The following DCLK2 variants were observed in gnomAD, a reference collection of about 807,000 sequenced individuals.
DCLK2 encodes the protein doublecortin like kinase 2, also known as serine/threonine-protein kinase DCLK2.
Under a neutral mutation model 78.4 loss-of-function variants are expected in DCLK2, and 31 were observed. The observed-to-expected ratio is 0.40, with a 90% CI of 0.30 to 0.53. The LOEUF is 0.53. DCLK2 is among the 20% of genes least tolerant of loss of function. DCLK2 has a pLI of 0.61. For synonymous variants in DCLK2, 407 were observed against 374.9 expected (o/e 1.09, Z -0.99); for missense variants, 872 against 973.7 (o/e 0.90, Z 1.39).
intron 15 of DCLK2, chr4:150,253,624 TCA>T (rs1174468703): frequency 3.9e-6 from 5 of 1,281,140 alleles, no homozygotes; most frequent in African/African-American, 1.5e-5. Flanking sequence ...CATGCTTGTC[TCA>T]GTTTCTGATG....
chr4:150,154,104 T>A lies in DCLK2; in HGVS notation c.757-39034T>A, dbSNP rs142839732. 4.0e-3 allele frequency among the ~76,000 whole-genome samples: 612 copies of A among 152,320 alleles called. 4 individuals are homozygous for A. The highest frequency in any genetic ancestry group is 6.8e-3 in the Middle Eastern group (2 of 294). On this transcript the variant is annotated intron_variant, in intron 2 of 15. Transcript: ENST00000296550. Reference sequence around the variant, plus strand: ...ATGGTTCCCCGATGAAAAAGTTTGTTCTGTTATCAGAAAAGTGGGGACATG... The same window carrying A: ...ATGGTTCCCCGATGAAAAAGTTTGTACTGTTATCAGAAAAGTGGGGACATG...
intron 1 of DCLK2, among the ~76,000 whole-genome samples, chr4:150,099,684 A>T (rs996930555): frequency 6.6e-6 from 1 of 152,164 alleles, no homozygotes; most frequent in Non-Finnish European, 1.5e-5. Context: ...AGCACCTAAC[A>T]TGAGAGCTTG....
At chr4:150,247,016 T>C (rs1413164794) in intron 12 of DCLK2, among the ~76,000 whole-genome samples, 1 of 152,172 alleles carries the variant, frequency 6.6e-6, no homozygotes, top group Admixed American at 6.5e-5. Flanking sequence ...TTATGACTTT[T>C]TCATATGTTG....
chr4:150,228,994 C>A (rs1741827501), intron 8 of DCLK2, among the ~76,000 whole-genome samples: 1 of 151,502 alleles, frequency 6.6e-6, no homozygotes, highest in African/African-American at 2.4e-5. Context: ...CCACTGCAGT[C>A]CGCAGTCCGG....
In DCLK2 at chr4:150,129,813, A is replaced by G. The variant is rs559781713; in HGVS notation, c.756+27001A>G. The stretch of plus-strand genomic sequence containing the variant: ...CAACTAGCCATACTTTATTTTTTAA[A>G]ATCAGAAGTCTGTCTTCCCAAAATA... On this transcript the variant is annotated intron_variant, in intron 2 of 15. Transcript: ENST00000296550. 3.3e-5 allele frequency among the ~76,000 whole-genome samples: 5 copies of G among 152,024 alleles called. No individual in the cohort carries two copies. In the East Asian group the frequency reaches 5.8e-4, roughly 18 times the overall value.
At chr4:150,175,871 G>A (rs554009433) in intron 2 of DCLK2, among the ~76,000 whole-genome samples, 9 of 152,164 alleles carry the variant, frequency 5.9e-5, no homozygotes, top group African/African-American at 2.2e-4. Context: ...TCTCTGTACC[G>A]TGCTCCTTCC....
chr4:150,159,203 A>G (rs1735531316), intron 2 of DCLK2, among the ~76,000 whole-genome samples: 1 of 152,194 alleles, frequency 6.6e-6, no homozygotes, highest in Non-Finnish European at 1.5e-5. Flanking sequence ...CATCCTAGAC[A>G]TGAGCTAACA....
chr4:150,147,356 G>A (rs60467236), intron 2 of DCLK2, among the ~76,000 whole-genome samples: 14,189 of 152,180 alleles, frequency 0.093, 747 homozygotes, highest in East Asian at 0.15. Context: ...AAGGCAGCAA[G>A]TGGGAACTGA....
intron 2 of DCLK2, among the ~76,000 whole-genome samples, chr4:150,109,829 G>C (rs995297699): frequency 5.3e-5 from 8 of 152,152 alleles, no homozygotes; most frequent in Non-Finnish European, 1.0e-4. Context: ...TAGAAAGGGA[G>C]GGAAAATGTT....
chr4:150,126,662 G>C (rs1226976810), intron 2 of DCLK2, among the ~76,000 whole-genome samples: 3 of 152,212 alleles, frequency 2.0e-5, no homozygotes, highest in African/African-American at 7.2e-5. Flanking sequence ...TACAAAAATT[G>C]CACAAATTGT....
chr4:150,228,557 C>T (rs1335118200), intron 8 of DCLK2, among the ~76,000 whole-genome samples: 2 of 152,140 alleles, frequency 1.3e-5, no homozygotes, highest in African/African-American at 4.8e-5. Flanking sequence ...AGCACACAAA[C>T]AGTTGAAAGA....
Position 150,155,120 on chromosome 4 carries a change from T to G in DCLK2, c.757-38018T>G, listed in dbSNP as rs1413114036. 9.2e-5 allele frequency among the ~76,000 whole-genome samples: 14 copies of G among 152,192 alleles called. 1 individual carries two copies. The highest frequency in any genetic ancestry group is 9.2e-4 in the Admixed American group (14 of 15,278). On this transcript the variant is annotated intron_variant, in intron 2 of 15. Coordinates refer to ENST00000296550, the MANE Select transcript of DCLK2 (RefSeq NM_001040260.4). ...GGTGGCATGCACCTGTGGTCCCAGC[T>G]ACTCAGGAGGCTGAGGTAGAAGGAT...
chr4:150,104,235 AGTT>A (rs1384921572), intron 2 of DCLK2, among the ~76,000 whole-genome samples: 2 of 151,802 alleles, frequency 1.3e-5, no homozygotes, highest in African/African-American at 4.8e-5. Context: ...AAATAAAAGA[AGTT>A]GTGGTCAGGT....
intron 2 of DCLK2, among the ~76,000 whole-genome samples, chr4:150,189,540 T>G (rs1346187613): frequency 6.6e-6 from 1 of 152,192 alleles, no homozygotes; most frequent in Non-Finnish European, 1.5e-5. Context: ...TCTCTTTATA[T>G]CTGTTTTCTT....
At chr4:150,183,936 G>C (rs1737715339) in intron 2 of DCLK2, among the ~76,000 whole-genome samples, 1 of 151,732 alleles carries the variant, frequency 6.6e-6, no homozygotes, top group Admixed American at 6.6e-5. Flanking sequence ...GTTTCTCCAT[G>C]TTGCCCAGGC....
intron 6 of DCLK2, among the ~76,000 whole-genome samples, chr4:150,221,091 T>C (rs570079265): frequency 6.6e-6 from 1 of 152,356 alleles, no homozygotes; most frequent in East Asian, 1.9e-4. Context: ...CTGTGTTTTC[T>C]TGATTTGGTG....
At chr4:150,112,759 C>T (rs1731782086) in intron 2 of DCLK2, among the ~76,000 whole-genome samples, 1 of 151,390 alleles carries the variant, frequency 6.6e-6, no homozygotes, top group South Asian at 2.1e-4. Flanking sequence ...ATTAAATTAT[C>T]CCTGCATGCC....
intron 12 of DCLK2, among the ~76,000 whole-genome samples, chr4:150,241,327 C>A (rs561417137): frequency 6.6e-5 from 10 of 152,298 alleles, no homozygotes; most frequent in Admixed American, 4.6e-4. Context: ...GGCACGGGAG[C>A]ACACTCATTG....
intron 8 of DCLK2, among the ~76,000 whole-genome samples, chr4:150,229,545 G>T (rs1341862829): frequency 6.6e-6 from 1 of 152,086 alleles, no homozygotes; most frequent in Non-Finnish European, 1.5e-5. Context: ...ATAAGATGGA[G>T]AACACAGAGG....
Sources: gnomAD v4.1 joint callset for allele counts (sites outside exome capture counted in the v4.1 genomes callset) on GRCh38, gnomAD v4.1.1 for gene constraint, MANE v1.5 for transcripts, NCBI Gene and HGNC (gene_info 2026-07-23, HGNC 2026-07-21) for gene names.